The following KIAA0232 variants were observed in gnomAD, a reference collection of about 807,000 sequenced individuals.
The protein encoded by KIAA0232 is uncharacterized protein KIAA0232.
KIAA0232 carries 27 observed loss-of-function variants against 122.0 expected under a neutral mutation model. The ratio of observed to expected loss-of-function variants is 0.22; its 90% CI spans 0.16 to 0.31. The LOEUF is 0.31. Ranked by LOEUF, KIAA0232 falls within the 10% of genes least tolerant of loss-of-function variation. KIAA0232 has a pLI of 1.00. For synonymous variants in KIAA0232, 613 were observed against 587.6 expected (o/e 1.04, Z -0.63); for missense variants, 1,551 against 1,634.2 (o/e 0.95, Z 0.88).
intron 2 of KIAA0232, among the ~76,000 whole-genome samples, chr4:6,819,616 C>G (rs1359513251): frequency 1.3e-5 from 2 of 152,110 alleles, no homozygotes; most frequent in African/African-American, 4.8e-5. Flanking sequence ...GCTAATGAGG[C>G]TGCAGAGAAA....
chr4:6,814,406 A>C (rs1004399574), intron 2 of KIAA0232, among the ~76,000 whole-genome samples: 1 of 152,006 alleles, frequency 6.6e-6, no homozygotes, highest in African/African-American at 2.4e-5. Flanking sequence ...ATAGTAAAGA[A>C]ATTGAGTATT....
chr4:6,880,856 G>A lies in KIAA0232; in HGVS notation c.4078G>A (p.Gly1360Arg), dbSNP rs759299268. 10 of 1,607,044 alleles carry A rather than the reference G, an allele frequency of 6.2e-6. No homozygotes were observed. Among genetic ancestry groups the A allele is most frequent in the African/African-American group, 2.7e-5 (2 of 74,842 alleles). Reference sequence around the variant, plus strand: ...TGGAGCAAAGTCAGATGGCTTCCGCGGAAAGATGTGCTCCAGCGCCAGCTC... The same window carrying A: ...TGGAGCAAAGTCAGATGGCTTCCGCAGAAAGATGTGCTCCAGCGCCAGCTC... Reference protein sequence around the residue: ...DSGAKSDGFRGKMCSSASSTS... With the variant: ...DSGAKSDGFRRKMCSSASSTS... Residue 1360 changes from glycine (G) to arginine (R), a missense_variant, in exon 10 of 10, where the codon GGA becomes AGA. Physicochemically the swap from Gly to Arg is moderately radical, Grantham distance 125. Coordinates refer to ENST00000307659, the MANE Select transcript of KIAA0232 (RefSeq NM_014743.3).
At chr4:6,789,188 G>A (rs894147657) in intron 1 of KIAA0232, among the ~76,000 whole-genome samples, 2 of 151,578 alleles carry the variant, frequency 1.3e-5, no homozygotes, top group African/African-American at 4.8e-5. Context: ...AGCCAGGATG[G>A]TTTTTATCTC....
chr4:6,849,801 G>A (rs1376173230), intron 4 of KIAA0232, among the ~76,000 whole-genome samples: 1 of 152,100 alleles, frequency 6.6e-6, no homozygotes, highest in Non-Finnish European at 1.5e-5. Flanking sequence ...ATTTACTAAG[G>A]AAAAGGAACC....
chr4:6,843,914 G>A (rs1443252792), intron 4 of KIAA0232, among the ~76,000 whole-genome samples: 1 of 141,632 alleles, frequency 7.1e-6, no homozygotes, highest in African/African-American at 2.7e-5. Flanking sequence ...CGCAAGGACC[G>A]TGAGTTACCC....
At chr4:6,803,080 G>T (rs1467612661) in intron 1 of KIAA0232, among the ~76,000 whole-genome samples, 2 of 150,704 alleles carry the variant, frequency 1.3e-5, no homozygotes, top group Non-Finnish European at 3.0e-5. Context: ...ACTGTGGAAG[G>T]TGAGGTGGGA....
chr4:6,848,971 G>A (rs1272941165), intron 4 of KIAA0232, among the ~76,000 whole-genome samples: 1 of 152,206 alleles, frequency 6.6e-6, no homozygotes, highest in African/African-American at 2.4e-5. Flanking sequence ...TGGAGCTGGA[G>A]CATTTGAGGA....
chr4:6,857,086 T>C (rs2108783811), intron 4 of KIAA0232, 78 bp from the exon 5 acceptor site: 3 of 976,402 alleles, frequency 3.1e-6, no homozygotes, highest in Non-Finnish European at 2.9e-6. Context: ...AAAACCTGTG[T>C]ATTAAAACAA....
chr4:6,842,125 A>G lies in KIAA0232; in HGVS notation c.290A>G (p.Lys97Arg). The G allele has an allele frequency of 6.2e-7, 1 of 1,613,540 alleles. No homozygotes were observed. Among genetic ancestry groups the G allele is most frequent in the South Asian group, 1.1e-5 (1 of 90,996 alleles). Residue 97 changes from lysine to arginine, a missense_variant, in exon 4 of 10, where the codon AAG (lysine) becomes AGG (arginine). By Grantham distance (26) the Lys-to-Arg change is conservative. Transcript: ENST00000307659. ...KGAYKKWGKS[K>R]KKCSDLTLEE... ...GCTTATAAGAAATGGGGAAAGAGTAAGAAAAAATGTTCAGATCTAACTCTA... is the reference window on the plus strand; with the variant it reads ...GCTTATAAGAAATGGGGAAAGAGTAGGAAAAAATGTTCAGATCTAACTCTA...
intron 3 of KIAA0232, among the ~76,000 whole-genome samples, chr4:6,827,011 G>A (rs559406839): frequency 1.1e-4 from 16 of 152,204 alleles, no homozygotes; most frequent in Admixed American, 4.6e-4. Flanking sequence ...GTTCCGGTTC[G>A]TTCCTCAGGA....
In KIAA0232 at chr4:6,874,427, G is replaced by A. The variant is rs114751872; in HGVS notation, c.3911-2233G>A. On this transcript the variant is annotated intron_variant, in intron 8 of 9. Transcript: ENST00000307659. ...AGGGATGGCATGGGAGTGTGGTGGG[G>A]ATGAGGCCAGCCAGGCAGCTGGGAG... 7.3e-3 allele frequency among the ~76,000 whole-genome samples: 1,119 copies of A among 152,320 alleles called. 8 individuals carry two copies. Among genetic ancestry groups the A allele is most frequent in the Non-Finnish European group, 0.014 (926 of 68,028 alleles).
chr4:6,797,845 GC>G (rs1368335907), intron 1 of KIAA0232, among the ~76,000 whole-genome samples: 2 of 152,012 alleles, frequency 1.3e-5, no homozygotes, highest in Non-Finnish European at 2.9e-5. Context: ...GCCGAGGCGG[GC>G]GGATCACAAG....
In KIAA0232 at chr4:6,863,634, G is replaced by A. The variant is rs1434897555; in HGVS notation, c.3252G>A (p.Val1084=). 2.5e-6 allele frequency: 4 copies of A among 1,614,060 alleles called. No individual in the cohort carries two copies. The highest frequency in any genetic ancestry group is 1.6e-4 in the Middle Eastern group (1 of 6,084). The change falls in exon 7 of 10, where the codon GTG becomes GTA. Residue 1084 remains valine, a synonymous_variant. Transcript: ENST00000307659. The part of the protein sequence containing the change: ...SILCSDSDSE[V]FHPRICGVDR... ...TCTGTTCTGATTCAGACAGTGAAGTGTTTCACCCCAGGATATGTGGTGTTG... is the reference window on the plus strand; with the variant it reads ...TCTGTTCTGATTCAGACAGTGAAGTATTTCACCCCAGGATATGTGGTGTTG...
intron 3 of KIAA0232, among the ~76,000 whole-genome samples, chr4:6,831,690 C>G (rs143302736): frequency 1.9e-4 from 29 of 152,260 alleles, no homozygotes; most frequent in African/African-American, 7.0e-4. Context: ...CCCAGAAGCC[C>G]CCCTCGTGTC....
Position 6,824,663 on chromosome 4 carries a change from T to C in KIAA0232, c.210T>C (p.Tyr70=). The change falls in exon 3 of 10, where the codon TAT becomes TAC. Residue 70 remains tyrosine, a synonymous_variant. Transcript: ENST00000307659. Reference sequence around the variant, plus strand: ...TCAGTCTTCTGCTGCATGACAGCTATGACTACGACCTGCAGGAACAGGTAT... The same window carrying C: ...TCAGTCTTCTGCTGCATGACAGCTACGACTACGACCTGCAGGAACAGGTAT... ...YVLSLLLHDS[Y]DYDLQEQEND... 2 of 1,614,090 alleles carry C rather than the reference T, an allele frequency of 1.2e-6. No individual in the cohort carries two copies. The highest frequency in any genetic ancestry group is 1.7e-6 in the Non-Finnish European group (2 of 1,179,898).
intron 3 of KIAA0232, among the ~76,000 whole-genome samples, chr4:6,836,959 C>T (rs555574378): frequency 6.6e-6 from 1 of 152,372 alleles, no homozygotes; most frequent in South Asian, 2.1e-4. Flanking sequence ...CACACAGACA[C>T]GGTAACAATC....
At position 6,863,037 on chromosome 4, in the gene KIAA0232, G is replaced by A. The variant is rs1577408838; in HGVS notation, c.2655G>A (p.Leu885=). 6.2e-7 allele frequency: 1 copy of A among 1,614,250 alleles called. No homozygotes were observed. Among genetic ancestry groups the A allele is most frequent in the Non-Finnish European group, 8.5e-7 (1 of 1,180,042 alleles). The stretch of plus-strand genomic sequence containing the variant: ...CTGTGCGGAGGTCAGAGTACCATCT[G>A]TGGGAGGGACAGAAAGAGAGCCTGG... ...DKAVRRSEYH[L]WEGQKESLEK... The change falls in exon 7 of 10, where the codon CTG becomes CTA. Residue 885 remains leucine (L), a synonymous_variant. Coordinates refer to ENST00000307659, the MANE Select transcript of KIAA0232 (RefSeq NM_014743.3).
intron 1 of KIAA0232, among the ~76,000 whole-genome samples, chr4:6,784,033 T>C (rs1292442280): frequency 6.6e-6 from 1 of 152,126 alleles, no homozygotes; most frequent in Non-Finnish European, 1.5e-5. Context: ...ATGGCAGAAC[T>C]GTCTTGATTT....
At chr4:6,868,778 T>C (rs1022152902) in intron 7 of KIAA0232, among the ~76,000 whole-genome samples, 1 of 152,116 alleles carries the variant, frequency 6.6e-6, no homozygotes, top group African/African-American at 2.4e-5. Context: ...TATAAATGAG[T>C]GGAGAGATGT....
Sources: gnomAD v4.1 joint callset for allele counts (sites outside exome capture counted in the v4.1 genomes callset) on GRCh38, gnomAD v4.1.1 for gene constraint, MANE v1.5 for transcripts, NCBI Gene and HGNC (gene_info 2026-07-23, HGNC 2026-07-21) for gene names.